KCNG2: variants seen among roughly 807,000 people sequenced by gnomAD.
KCNG2 encodes the protein potassium voltage-gated channel modifier subfamily G member 2.
Under a neutral mutation model 12.3 loss-of-function variants are expected in KCNG2, and 7 were observed. That is an observed-to-expected ratio of 0.57 (90% CI 0.32 to 1.07). The LOEUF (loss-of-function observed/expected upper bound fraction) is 1.07, where lower values mean the gene tolerates loss of function less well. KCNG2 is among the 50% of genes least tolerant of loss of function. The probability of loss-of-function intolerance (pLI) is 0.04; values close to 1 mark genes in which losing one functional copy is unlikely to be tolerated. For missense variants in KCNG2, 703 were observed against 726.0 expected, an observed-to-expected ratio of 0.97 and a Z score of 0.36; for synonymous variants, 414 against 351.4, an observed-to-expected ratio of 1.18 and a Z score of -1.99.
At chr18:79,869,890 C>T (rs1455774952) in intron 3 of KCNG2, among the ~76,000 whole-genome samples, 12 of 152,234 alleles carry the variant, frequency 7.9e-5, no homozygotes, top group Admixed American at 3.9e-4. Context: ...GCCACCACCA[C>T]GCGGGACGGC....
intron 1 of KCNG2, among the ~76,000 whole-genome samples, chr18:79,805,850 C>T (rs764666832): frequency 1.3e-5 from 2 of 148,650 alleles, no homozygotes; most frequent in Non-Finnish European, 1.5e-5. Flanking sequence ...TATAGACAGA[C>T]GCAGGTCCAC....
At position 79,859,925 on chromosome 18, in the gene KCNG2, A is replaced by G. The variant is rs188500573; in HGVS notation, c.-41+3473A>G. On this transcript the variant is annotated intron_variant, in intron 2 of 3. Transcript: ENST00000316249. ...TACTAGTCCATGTTCGCATTCCTATAAAGGAATACCTGAGACTGGGTAATT... is the reference window on the plus strand; with the variant it reads ...TACTAGTCCATGTTCGCATTCCTATGAAGGAATACCTGAGACTGGGTAATT... Among the ~76,000 whole-genome samples the G allele has an allele frequency of 5.9e-5, 9 of 152,296 alleles. No individual in the cohort carries two copies. The East Asian group carries it at 1.2e-3, about 20-fold the overall frequency.
At chr18:79,805,863 GCA>G (rs36068585) in intron 1 of KCNG2, among the ~76,000 whole-genome samples, 9 of 150,988 alleles carry the variant, frequency 6.0e-5, no homozygotes, top group South Asian at 2.1e-4. Flanking sequence ...AGGTCCACAT[GCA>G]CACACACACA....
At chr18:79,816,383 C>G (rs1454968323) in intron 1 of KCNG2, 1 of 150,190 alleles carries the variant, frequency 6.7e-6, no homozygotes, top group Non-Finnish European at 1.5e-5. Context: ...GCCCATCTCC[C>G]CCTCCCCTCC....
At chr18:79,825,842 T>C in intron 1 of KCNG2, among the ~76,000 whole-genome samples, 1 of 152,028 alleles carries the variant, frequency 6.6e-6, no homozygotes, top group East Asian at 1.9e-4. Context: ...AAAAATCACC[T>C]GACCTGACCG....
chr18:79,810,045 C>G (rs1056557191), intron 1 of KCNG2, among the ~76,000 whole-genome samples: 3 of 152,208 alleles, frequency 2.0e-5, no homozygotes, highest in African/African-American at 7.2e-5. Context: ...TTGCGCTGGG[C>G]CTGGGTGGAA....
intron 1 of KCNG2, among the ~76,000 whole-genome samples, chr18:79,811,854 A>AG (rs1179450405): frequency 6.6e-6 from 1 of 152,228 alleles, no homozygotes; most frequent in Non-Finnish European, 1.5e-5. Context: ...TGGGGTGAAC[A>AG]GTAAAGGGGA....
intron 1 of KCNG2, among the ~76,000 whole-genome samples, chr18:79,833,983 C>G (rs1405580123): frequency 6.6e-6 from 1 of 152,252 alleles, no homozygotes; most frequent in Non-Finnish European, 1.5e-5. Context: ...CAGGGCAGCC[C>G]AGGCCAGTAA....
Position 79,863,889 on chromosome 18 carries a change from C to T in KCNG2, c.222C>T (p.Ser74=), listed in dbSNP as rs903174558. 4 of 1,463,120 alleles carry T rather than the reference C, an allele frequency of 2.7e-6. No homozygotes were observed. The highest frequency in any genetic ancestry group is 2.7e-6 in the Non-Finnish European group (3 of 1,104,308). 90.6% of individuals were successfully genotyped at this position (1,463,120 alleles called of 1,614,324 possible). ...VSRDEFFFDR[S]PCAFRAIVAL... ...GCGACGAGTTCTTCTTCGACCGCAG[C>T]CCGTGCGCCTTCCGCGCCATCGTGG... The change falls in exon 3 of 4, where the codon AGC becomes AGT. Residue 74 remains serine, a synonymous_variant. Coordinates refer to ENST00000316249, the MANE Select transcript of KCNG2 (RefSeq NM_012283.2).
At position 79,828,454 on chromosome 18, in the gene KCNG2, T is replaced by TGC. The variant is rs67685279; in HGVS notation, c.-114-27924_-114-27923dup. On this transcript the variant is annotated intron_variant, in intron 1 of 3. Coordinates refer to ENST00000316249, the MANE Select transcript of KCNG2 (RefSeq NM_012283.2). ...TCTGTGTGCAAGTGTGTGGTGTGTG[T>TGC]GCAAATGTGTGTCTGTGTGTGCATG... Among the ~76,000 whole-genome samples the TGC allele has an allele frequency of 3.3e-5, 5 of 151,508 alleles. No individual in the cohort carries two copies. The East Asian group carries it at 7.8e-4, about 24-fold the overall frequency.
intron 3 of KCNG2, among the ~76,000 whole-genome samples, chr18:79,868,756 A>G (rs962829504): frequency 2.0e-5 from 3 of 152,194 alleles, no homozygotes; most frequent in African/African-American, 7.2e-5. Flanking sequence ...TACATGCTGA[A>G]TCCCAGACAG....
At chr18:79,844,095 C>G (rs990256334) in intron 1 of KCNG2, among the ~76,000 whole-genome samples, 1 of 152,020 alleles carries the variant, frequency 6.6e-6, no homozygotes, top group Non-Finnish European at 1.5e-5. Context: ...TTATATCAGA[C>G]AAAATATATC....
In KCNG2 at chr18:79,884,799, G is replaced by A. The variant is rs535849989; in HGVS notation, c.625-14241G>A. 3.9e-5 allele frequency among the ~76,000 whole-genome samples: 6 copies of A among 152,310 alleles called. No individual in the cohort carries two copies. The highest frequency in any genetic ancestry group is 1.4e-4 in the African/African-American group (6 of 41,570). On this transcript the variant is annotated intron_variant, in intron 3 of 3. Coordinates refer to ENST00000316249, the MANE Select transcript of KCNG2 (RefSeq NM_012283.2). The surrounding 1 kb of genome is among the most constrained non-coding windows in gnomAD (Gnocchi z 5.5). ...CCTGGGGCCCAGGAACTCGGGAGCG[G>A]TTTACCCACAGGTTCCTGTGCGTGG...
At chr18:79,858,031 C>T (rs558337915) in intron 2 of KCNG2, among the ~76,000 whole-genome samples, 2 of 152,254 alleles carry the variant, frequency 1.3e-5, no homozygotes, top group East Asian at 1.9e-4. Context: ...GAGACAGTCT[C>T]GCTCTGTCTC....
At chr18:79,802,211 C>T (rs2087414873) in intron 1 of KCNG2, among the ~76,000 whole-genome samples, 1 of 152,236 alleles carries the variant, frequency 6.6e-6, no homozygotes, top group African/African-American at 2.4e-5. Flanking sequence ...TGCCCAAATA[C>T]AGACAGCTAA....
Position 79,899,159 on chromosome 18 carries a change from C to A in KCNG2, c.744C>A (p.Arg248=). 1 of 1,606,924 alleles carries A rather than the reference C, an allele frequency of 6.2e-7. No homozygotes were observed. Among genetic ancestry groups the A allele is most frequent in the Non-Finnish European group, 8.5e-7 (1 of 1,179,670 alleles). ...CCGAGAGCAAGTGCGCCTTCCTGCG[C>A]GCGCCACTCAACATCATTGACATCC... The part of the protein sequence containing the change: ...LQAESKCAFL[R]APLNIIDILA... Residue 248 remains arginine (R), a synonymous_variant, in exon 4 of 4, where the codon CGC becomes CGA. Coordinates refer to ENST00000316249, the MANE Select transcript of KCNG2 (RefSeq NM_012283.2).
intron 1 of KCNG2, among the ~76,000 whole-genome samples, chr18:79,837,415 T>C (rs1471297251): frequency 6.6e-6 from 1 of 152,232 alleles, no homozygotes; most frequent in Non-Finnish European, 1.5e-5. Context: ...TTCTGGGGTC[T>C]GGAGGACAGT....
chr18:79,846,374 C>CAAA lies in KCNG2; in HGVS notation c.-114-9986_-114-9984dup, dbSNP rs11421957. Reference sequence around the variant, plus strand: ...TGGGCAACAGAGCGAGACTCCGTCTCAAAAAAAAAAAAAAAAAAAAAGAGT... The same window carrying CAAA: ...TGGGCAACAGAGCGAGACTCCGTCTCAAAAAAAAAAAAAAAAAAAAAAAAGAGT... On this transcript the variant is annotated intron_variant, in intron 1 of 3. Coordinates refer to ENST00000316249, the MANE Select transcript of KCNG2 (RefSeq NM_012283.2). Among the ~76,000 whole-genome samples, 325 of 59,194 alleles carry CAAA rather than the reference C, an allele frequency of 5.5e-3. 2 individuals are homozygous for CAAA. The highest frequency in any genetic ancestry group is 0.013 in the East Asian group (23 of 1,708). The allele number at this position is 59,194 out of a possible 152,430, so 38.8% of individuals were successfully genotyped here.
chr18:79,865,024 G>A (rs1238372873), intron 3 of KCNG2, among the ~76,000 whole-genome samples: 3 of 126,570 alleles, frequency 2.4e-5, no homozygotes, highest in Non-Finnish European at 1.8e-5. Context: ...TCTCGGTGCC[G>A]AGGTCTGTGT....
Sources: gnomAD v4.1 joint callset for allele counts (sites outside exome capture counted in the v4.1 genomes callset) on GRCh38, gnomAD v4.1.1 for gene constraint, Gnocchi (gnomAD v3.1) non-coding constraint, MANE v1.5 for transcripts, NCBI Gene and HGNC (gene_info 2026-07-23, HGNC 2026-07-21) for gene names.